The following ERP44 variants were observed in gnomAD, a reference collection of about 807,000 sequenced individuals.
The protein encoded by ERP44 is endoplasmic reticulum protein 44.
Under a neutral mutation model 53.4 loss-of-function variants are expected in ERP44, and 25 were observed. That is an observed-to-expected ratio of 0.47 (90% confidence interval 0.34 to 0.65). ERP44 has a LOEUF of 0.65. Ranked by LOEUF, ERP44 falls within the 30% of genes least tolerant of loss-of-function variation. The pLI is 0.01. For missense variants in ERP44, 338 were observed against 493.2 expected, an observed-to-expected ratio of 0.69 and a Z score of 2.98; for synonymous variants, 145 against 161.2, an observed-to-expected ratio of 0.90 and a Z score of 0.76.
At chr9:100,076,746 GT>G (rs1826361232) in intron 1 of ERP44, among the ~76,000 whole-genome samples, 2 of 152,234 alleles carry the variant, frequency 1.3e-5, no homozygotes, top group Non-Finnish European at 2.9e-5. Context: ...GAAGATATTT[GT>G]ATCCCATGTG....
Position 99,984,680 on chromosome 9 carries a change from ATTCCCATTTGAAGCCAAC to A in ERP44, c.1119+269_1119+286del, listed in dbSNP as rs1345971555. ...TATCTGCTTTAGATTCCTATTTCCT[ATTCCCATTTGAAGCCAAC>A]TATATTTAACTGTTATAGCCATATT... On this transcript the variant is annotated intron_variant, in intron 11 of 11. Coordinates refer to ENST00000262455, the MANE Select transcript of ERP44 (RefSeq NM_015051.3). Among the ~76,000 whole-genome samples, 6 of 152,310 alleles carry A rather than the reference ATTCCCATTTGAAGCCAAC, an allele frequency of 3.9e-5. No individual in the cohort carries two copies. The East Asian group carries it at 1.2e-3, about 29-fold the overall frequency.
intron 1 of ERP44, among the ~76,000 whole-genome samples, chr9:100,072,415 C>A (rs1826315505): frequency 6.6e-6 from 1 of 152,020 alleles, no homozygotes; most frequent in African/African-American, 2.4e-5. Flanking sequence ...TTACTTTAAT[C>A]CTCAAAACCA....
intron 1 of ERP44, among the ~76,000 whole-genome samples, chr9:100,071,341 T>C (rs1001541552): frequency 6.6e-6 from 1 of 152,168 alleles, no homozygotes; most frequent in Non-Finnish European, 1.5e-5. Flanking sequence ...GAGGAAAATA[T>C]CTCCTATGTG....
rs77631168 is a variant in ERP44 at position 100,088,465 on chromosome 9, G to T, written c.57+10319C>A. On this transcript the variant is annotated intron_variant, in intron 1 of 11. Coordinates refer to ENST00000262455, the MANE Select transcript of ERP44 (RefSeq NM_015051.3). ...ACTTGCTTCAAGGCTCACCTGTCCC[G>T]TGATGCTTACAAACTACAACTCCCC... Among the ~76,000 whole-genome samples, 11 of 152,286 alleles carry T rather than the reference G, an allele frequency of 7.2e-5. No individual in the cohort carries two copies. The East Asian group carries it at 1.2e-3, about 16-fold the overall frequency.
intron 1 of ERP44, among the ~76,000 whole-genome samples, chr9:100,078,606 T>C (rs1390042270): frequency 1.3e-5 from 2 of 151,686 alleles, no homozygotes; most frequent in Non-Finnish European, 2.9e-5. Context: ...AATACAAAAA[T>C]TAGCTGGGCG....
At chr9:100,028,593 T>C (rs1289184001) in intron 4 of ERP44, among the ~76,000 whole-genome samples, 13 of 152,244 alleles carry the variant, frequency 8.5e-5, no homozygotes, top group Non-Finnish European at 1.2e-4. Flanking sequence ...AGAAAACCAC[T>C]ATTAACATTT....
intron 4 of ERP44, among the ~76,000 whole-genome samples, chr9:100,047,388 C>A (rs1825984451): frequency 6.6e-6 from 1 of 152,072 alleles, no homozygotes; most frequent in Non-Finnish European, 1.5e-5. Context: ...GACCATGGTA[C>A]AGAGTCCAGA....
intron 1 of ERP44, among the ~76,000 whole-genome samples, chr9:100,062,358 C>T (rs1193043787): frequency 2.0e-5 from 3 of 152,156 alleles, no homozygotes; most frequent in African/African-American, 7.2e-5. Flanking sequence ...TTCTACTCTA[C>T]ATTATCAATG....
chr9:100,027,029 G>A (rs1224804399), intron 4 of ERP44, among the ~76,000 whole-genome samples: 1 of 152,186 alleles, frequency 6.6e-6, no homozygotes, highest in Non-Finnish European at 1.5e-5. Context: ...GCATAAACCA[G>A]GAGTAGAATA....
chr9:100,084,238 TA>T lies in ERP44; in HGVS notation c.57+14545del, dbSNP rs374769608. On this transcript the variant is annotated intron_variant, in intron 1 of 11. Coordinates refer to ENST00000262455, the MANE Select transcript of ERP44 (RefSeq NM_015051.3). ...GTCAGACAACACGCTCTTCTATTTA[TA>T]ATCTTTCTAACTACAAACTTAAAAG... Among the ~76,000 whole-genome samples, 798 of 152,342 alleles carry T rather than the reference TA, an allele frequency of 5.2e-3. 6 individuals are homozygous for T. Among genetic ancestry groups the T allele is most frequent in the African/African-American group, 0.017 (727 of 41,568 alleles).
Position 100,077,014 on chromosome 9 carries a change from C to T in ERP44, c.58-16842G>A, listed in dbSNP as rs574337920. Among the ~76,000 whole-genome samples, 197 of 152,352 alleles carry T rather than the reference C, an allele frequency of 1.3e-3. 2 individuals are homozygous for T. The highest frequency in any genetic ancestry group is 4.5e-3 in the African/African-American group (186 of 41,588). ...AGTTTGCCAGCAGCAGAGACCAACACTGAGCCCTCAATAAGGCACCTTTCC... is the reference window on the plus strand; with the variant it reads ...AGTTTGCCAGCAGCAGAGACCAACATTGAGCCCTCAATAAGGCACCTTTCC... On this transcript the variant is annotated intron_variant, in intron 1 of 11. Coordinates refer to ENST00000262455, the MANE Select transcript of ERP44 (RefSeq NM_015051.3).
chr9:100,093,358 T>C (rs908647316), intron 1 of ERP44, among the ~76,000 whole-genome samples: 1 of 152,180 alleles, frequency 6.6e-6, no homozygotes, highest in Non-Finnish European at 1.5e-5. Flanking sequence ...AAGAACTCTG[T>C]GTGGGCTGGG....
chr9:100,059,087 G>A (rs7042194), intron 2 of ERP44, among the ~76,000 whole-genome samples: 70,489 of 151,616 alleles, frequency 0.46, 17,656 homozygotes, highest in East Asian at 0.9. Flanking sequence ...TAAAGTTCAT[G>A]GAACCACTCC....
At chr9:99,995,433 A>C (rs1019188290) in intron 10 of ERP44, among the ~76,000 whole-genome samples, 7 of 152,178 alleles carry the variant, frequency 4.6e-5, no homozygotes, top group African/African-American at 1.7e-4. Flanking sequence ...AAAGCATTTG[A>C]TCCTTTATCA....
chr9:100,013,907 T>G (rs943477284), intron 8 of ERP44, among the ~76,000 whole-genome samples: 1 of 152,176 alleles, frequency 6.6e-6, no homozygotes, highest in Non-Finnish European at 1.5e-5. Context: ...TGTCCACCAA[T>G]AGTAGAATGG....
At chr9:100,082,090 C>CA (rs1826433457) in intron 1 of ERP44, among the ~76,000 whole-genome samples, 1 of 151,558 alleles carries the variant, frequency 6.6e-6, no homozygotes, top group South Asian at 2.1e-4. Flanking sequence ...TAGGAATAAA[C>CA]AAAAAAATGT....
chr9:100,027,962 G>A (rs1254277828), intron 4 of ERP44, among the ~76,000 whole-genome samples: 1 of 152,074 alleles, frequency 6.6e-6, no homozygotes, highest in East Asian at 1.9e-4. Context: ...TACCTCAACA[G>A]AAAACTAATA....
intron 10 of ERP44, among the ~76,000 whole-genome samples, chr9:99,991,343 G>GA (rs1830252483): frequency 2.0e-5 from 3 of 152,298 alleles, no homozygotes; most frequent in African/African-American, 2.4e-5. Flanking sequence ...AATTAAATTA[G>GA]AACTCAGGAT....
chr9:99,979,388 T>C lies in ERP44; in HGVS notation c.*3224A>G, dbSNP rs2118588413. ...CTATAAATTTAAGCTTATTGTGAGC[T>C]TGAACATTTCAAACACTTCTATATT... is the stretch of plus-strand genomic sequence containing the variant. On this transcript the variant is annotated 3_prime_UTR_variant, in exon 12 of 12. Transcript: ENST00000262455. The C allele has an allele frequency of 6.6e-6, 1 of 152,196 alleles. No individual in the cohort carries two copies. The highest frequency in any genetic ancestry group is 2.4e-5 in the African/African-American group (1 of 41,528). 9.4% of individuals were successfully genotyped at this position (152,196 alleles called of 1,614,324 possible).
Sources: allele counts gnomAD v4.1 joint callset (sites outside exome capture counted in the v4.1 genomes callset), GRCh38; gene constraint gnomAD v4.1.1; transcripts MANE v1.5; gene names NCBI Gene and HGNC (gene_info 2026-07-23, HGNC 2026-07-21).